TENM4: variants seen among roughly 807,000 people sequenced by gnomAD.
TENM4 encodes teneurin-4.
In TENM4, 82 loss-of-function variants were observed where a neutral mutation model predicts 243.3. The ratio of observed to expected loss-of-function variants is 0.34; its 90% CI spans 0.28 to 0.40. TENM4 has a LOEUF of 0.40. Ranked by LOEUF, TENM4 falls within the 10% of genes least tolerant of loss-of-function variation. The pLI is 1.00. For synonymous variants in TENM4, 1,412 were observed against 1,456.3 expected (o/e 0.97, Z 0.69); for missense variants, 3,138 against 3,673.3 (o/e 0.85, Z 3.77).
intron 4 of TENM4, among the ~76,000 whole-genome samples, chr11:79,091,568 C>T (rs2137053458): frequency 6.6e-6 from 1 of 152,302 alleles, no homozygotes; most frequent in South Asian, 2.1e-4. Context: ...AGTCTTGCTA[C>T]TCAAGGGGTG....
At chr11:79,391,031 G>A (rs1286413273) in intron 1 of TENM4, among the ~76,000 whole-genome samples, 6 of 152,160 alleles carry the variant, frequency 3.9e-5, no homozygotes, top group Middle Eastern at 3.2e-3. Context: ...AAGAGGCAGC[G>A]TCATTAAAAG....
chr11:79,383,568 A>G (rs1181001686), intron 1 of TENM4, among the ~76,000 whole-genome samples: 1 of 152,104 alleles, frequency 6.6e-6, no homozygotes, highest in Non-Finnish European at 1.5e-5. Context: ...CTGCTCAATC[A>G]CCACCTCACT....
chr11:79,127,012 A>G (rs901416152), intron 4 of TENM4, among the ~76,000 whole-genome samples: 3 of 152,172 alleles, frequency 2.0e-5, no homozygotes, highest in African/African-American at 7.2e-5. Flanking sequence ...TCAGATAATT[A>G]ATGGAGTTTT....
chr11:79,237,620 T>G (rs545761948), intron 2 of TENM4, among the ~76,000 whole-genome samples: 1 of 152,298 alleles, frequency 6.6e-6, no homozygotes, highest in South Asian at 2.1e-4. Flanking sequence ...GAGGTTGCAG[T>G]GAGCCAAGTT....
At chr11:79,058,417 C>T (rs991205818) in intron 6 of TENM4, among the ~76,000 whole-genome samples, 6 of 151,826 alleles carry the variant, frequency 4.0e-5, no homozygotes, top group Admixed American at 1.3e-4. Context: ...TGGTGGTGGG[C>T]GCCTGTAGTC....
intron 4 of TENM4, among the ~76,000 whole-genome samples, chr11:79,088,920 C>T (rs1032578981): frequency 2.0e-5 from 3 of 152,194 alleles, no homozygotes; most frequent in African/African-American, 7.2e-5. Flanking sequence ...CTCAGCCCTG[C>T]ATAGCCATCC....
At chr11:79,027,568 A>G (rs1161444496) in intron 6 of TENM4, among the ~76,000 whole-genome samples, 4 of 152,208 alleles carry the variant, frequency 2.6e-5, no homozygotes, top group African/African-American at 9.6e-5. Context: ...CTGCCTTCCC[A>G]AAAGCTCTGA....
intron 9 of TENM4, among the ~76,000 whole-genome samples, chr11:78,878,310 C>T (rs1461753959): frequency 2.6e-5 from 4 of 152,052 alleles, no homozygotes; most frequent in South Asian, 2.1e-4. Context: ...CTAAGTATGA[C>T]GGAAATTTTT....
At chr11:78,775,049 A>T (rs1293836136) in intron 17 of TENM4, among the ~76,000 whole-genome samples, 1 of 152,238 alleles carries the variant, frequency 6.6e-6, no homozygotes, top group Non-Finnish European at 1.5e-5. Context: ...GCAGTCAAAT[A>T]AGTTTGGAAA....
At chr11:79,412,154 C>A (rs1028157918) in intron 1 of TENM4, among the ~76,000 whole-genome samples, 11 of 152,204 alleles carry the variant, frequency 7.2e-5, no homozygotes, top group Non-Finnish European at 1.6e-4. Context: ...GAGGACACAG[C>A]CTTCCCAGCT....
intron 9 of TENM4, among the ~76,000 whole-genome samples, chr11:78,882,400 C>T (rs1565421646): frequency 6.6e-6 from 1 of 152,206 alleles, no homozygotes; most frequent in Non-Finnish European, 1.5e-5. Context: ...CTAGAGTACC[C>T]TTGGCAGACT....
intron 3 of TENM4, among the ~76,000 whole-genome samples, chr11:79,194,985 T>C (rs1863592858): frequency 6.6e-6 from 1 of 152,160 alleles, no homozygotes; most frequent in African/African-American, 2.4e-5. Context: ...GTGTGCAGCC[T>C]AGGGACTTGG....
chr11:78,975,536 T>G (rs567993983), intron 6 of TENM4, among the ~76,000 whole-genome samples: 1 of 152,090 alleles, frequency 6.6e-6, no homozygotes, highest in Non-Finnish European at 1.5e-5. Flanking sequence ...GAGATTTGAC[T>G]AAGAAAGTCC....
intron 1 of TENM4, among the ~76,000 whole-genome samples, chr11:79,346,264 C>T (rs913944337): frequency 3.3e-5 from 5 of 152,134 alleles, no homozygotes; most frequent in Admixed American, 1.3e-4. Flanking sequence ...CACACAGCTT[C>T]GATGTCAGCC....
chr11:79,100,213 A>T (rs1000976285), intron 4 of TENM4, among the ~76,000 whole-genome samples: 1 of 152,186 alleles, frequency 6.6e-6, no homozygotes, highest in African/African-American at 2.4e-5. Context: ...CACTGTAAGC[A>T]GTTATTTCGC....
At chr11:78,991,914 G>A (rs1374845117) in intron 6 of TENM4, among the ~76,000 whole-genome samples, 2 of 152,118 alleles carry the variant, frequency 1.3e-5, no homozygotes, top group Admixed American at 6.5e-5. Flanking sequence ...CAGGAGGGGT[G>A]GCAGGAAACC....
chr11:78,944,334 GA>G (rs1565137736), intron 6 of TENM4, among the ~76,000 whole-genome samples: 5 of 152,056 alleles, frequency 3.3e-5, no homozygotes. Flanking sequence ...TTTGCCAAAA[GA>G]AAAAGGCAAT....
At chr11:79,393,961 G>C (rs1367541372) in intron 1 of TENM4, among the ~76,000 whole-genome samples, 1 of 152,086 alleles carries the variant, frequency 6.6e-6, no homozygotes, top group Non-Finnish European at 1.5e-5. Flanking sequence ...AGGAGGGAGG[G>C]GAGCAGACGA....
At chr11:79,420,674 G>GT (rs938698530) in intron 1 of TENM4, among the ~76,000 whole-genome samples, 23 of 151,004 alleles carry the variant, frequency 1.5e-4, no homozygotes, top group South Asian at 4.2e-4. Context: ...ACACAAACCA[G>GT]TTTTTTTTTG....
Sources: allele counts gnomAD v4.1 joint callset (sites outside exome capture counted in the v4.1 genomes callset), GRCh38; gene constraint gnomAD v4.1.1; transcripts MANE v1.5; gene names NCBI Gene and HGNC (gene_info 2026-07-23, HGNC 2026-07-21).